KASH5: variants seen among roughly 807,000 people sequenced by gnomAD.
The protein encoded by KASH5 is KASH domain containing 5, also known as protein KASH5.
In KASH5, 72 loss-of-function variants were observed where a neutral mutation model predicts 84.2. The observed-to-expected ratio is 0.85, with a 90% CI of 0.71 to 1.04. The LOEUF (loss-of-function observed/expected upper bound fraction) is 1.04. Among genes scored for constraint, KASH5 ranks in the 50% least tolerant of loss-of-function variants. KASH5 has a pLI of 0.00. For synonymous variants in KASH5, 260 were observed against 279.1 expected (o/e 0.93, Z 0.68); for missense variants, 650 against 701.0 (o/e 0.93, Z 0.82).
rs970073420 is a variant in KASH5, at chr19:49,397,791, G to A, written c.467+74G>A. On this transcript the variant is annotated intron_variant, in intron 6 of 19. Coordinates refer to ENST00000447857, the MANE Select transcript of KASH5 (RefSeq NM_144688.5). ...CCTCCAGCCTGCCGAGGCCCGGGTAGGGCTTGGGATCCTTCAGGGAAATGA... is the reference window on the plus strand; with the variant it reads ...CCTCCAGCCTGCCGAGGCCCGGGTAAGGCTTGGGATCCTTCAGGGAAATGA... The A allele has an allele frequency of 3.9e-6, 6 of 1,549,558 alleles. No individual in the cohort carries two copies. In the African/African-American group the frequency reaches 8.2e-5, roughly 21 times the overall value.
chr19:49,415,329 G>C, intron 17 of KASH5: 1 of 392,490 alleles, frequency 2.5e-6, no homozygotes, highest in Non-Finnish European at 4.8e-6. Flanking sequence ...GCCCACACTC[G>C]GGAGAGGTTG....
At chr19:49,396,242 A>AT (rs1568611428) in intron 5 of KASH5, among the ~76,000 whole-genome samples, 2 of 122,904 alleles carry the variant, frequency 1.6e-5, no homozygotes, top group Non-Finnish European at 1.7e-5. Flanking sequence ...ACCCTGCTGG[A>AT]CTTTTTTTTT....
rs1299301430 is a variant in KASH5 at position 49,395,675 on chromosome 19, G to A, written c.336-94G>A. The A allele has an allele frequency of 7.7e-7, 1 of 1,301,334 alleles. No homozygotes were observed. The highest frequency in any genetic ancestry group is 2.5e-5 in the East Asian group (1 of 39,532). The allele number at this position is 1,301,334 out of a possible 1,614,324, so 80.6% of individuals were successfully genotyped here. On this transcript the variant is annotated intron_variant, in intron 4 of 19. Transcript: ENST00000447857. The surrounding 1 kb of genome is among the most constrained non-coding windows in gnomAD (Gnocchi z 4.4). ...GTGGTGCCAGCTCTCACCTGACCCGGTCCCCTCCTCCCACCTGCAATCCCC... is the reference window on the plus strand; with the variant it reads ...GTGGTGCCAGCTCTCACCTGACCCGATCCCCTCCTCCCACCTGCAATCCCC...
At chr19:49,413,782 C>T (rs2946847) in intron 16 of KASH5, among the ~76,000 whole-genome samples, 20 of 152,080 alleles carry the variant, frequency 1.3e-4, no homozygotes, top group African/African-American at 3.9e-4. Context: ...GTGAATACAA[C>T]GGCTCCTAAA....
At chr19:49,413,754 CT>C (rs1394054425) in intron 16 of KASH5, among the ~76,000 whole-genome samples, 2 of 151,998 alleles carry the variant, frequency 1.3e-5, no homozygotes, top group Non-Finnish European at 2.9e-5. Context: ...GGTTGGAAAG[CT>C]GGGAGTGAGG....
chr19:49,415,006 C>T lies in KASH5; in HGVS notation c.1374+10C>T, dbSNP rs1324874849. The stretch of plus-strand genomic sequence containing the variant: ...AGAGAGCCAGGTCACGGTAGGCAGT[C>T]CCCAGCACCCCTCCCCAGTCCCCAT... On this transcript the variant is annotated intron_variant, in intron 17 of 19. Transcript: ENST00000447857. The T allele has an allele frequency of 2.5e-6, 4 of 1,610,018 alleles. No homozygotes were observed. Among genetic ancestry groups the T allele is most frequent in the Non-Finnish European group, 3.4e-6 (4 of 1,178,198 alleles).
chr19:49,415,096 C>G lies in KASH5; in HGVS notation c.1374+100C>G. On this transcript the variant is annotated intron_variant, in intron 17 of 19. Coordinates refer to ENST00000447857, the MANE Select transcript of KASH5 (RefSeq NM_144688.5). ...CCCAAGCCCCAGCCTCACACTCCAA[C>G]TCCTCAGGAGCAGAGAGAAAAATCA... is the stretch of plus-strand genomic sequence containing the variant. 2.7e-6 allele frequency: 3 copies of G among 1,129,898 alleles called. No homozygotes were observed. In the East Asian group the frequency reaches 7.6e-5, roughly 29 times the overall value. 70.0% of individuals were successfully genotyped at this position (1,129,898 alleles called of 1,614,324 possible). A position where few individuals can be genotyped will look rare whatever the true frequency, so the allele number is the denominator to read the frequency against.
Position 49,417,397 on chromosome 19 carries a change from C to G in KASH5, c.1576C>G (p.Pro526Ala). ...RVTRHPLIPA[P>A]VLGLLLLLLL... ...CACTCGACATCCACTGATCCCAGCT[C>G]CTGTCCTGGGCCTGCTGCTGCTGCT... Residue 526 changes from proline (P) to alanine (A), a missense_variant, in exon 20 of 20, where the codon CCT (proline) becomes GCT (alanine). Pro to Ala is a conservative substitution (Grantham distance 27). Transcript: ENST00000447857. This position sits in a 1 kb window ranked among gnomAD's most constrained non-coding sequence, Gnocchi z 5.2. 1 of 1,554,806 alleles carries G rather than the reference C, an allele frequency of 6.4e-7. No individual in the cohort carries two copies. Among genetic ancestry groups the G allele is most frequent in the Non-Finnish European group, 8.7e-7 (1 of 1,148,814 alleles).
intron 15 of KASH5, among the ~76,000 whole-genome samples, chr19:49,410,593 C>T (rs1179775916): frequency 1.3e-5 from 2 of 151,324 alleles, no homozygotes; most frequent in African/African-American, 4.9e-5. Flanking sequence ...AAGCAGTTCT[C>T]CCTGCCTCAG....
chr19:49,394,049 C>T (rs759551585), intron 2 of KASH5, among the ~76,000 whole-genome samples: 1 of 152,162 alleles, frequency 6.6e-6, no homozygotes, highest in Non-Finnish European at 1.5e-5. Flanking sequence ...CGGGATCGAT[C>T]TGGGCTGCCC....
intron 2 of KASH5, chr19:49,393,263 T>G (rs1273695799): frequency 6.6e-6 from 1 of 152,232 alleles, no homozygotes; most frequent in Non-Finnish European, 1.5e-5. Context: ...GCTCAATAAG[T>G]GTTCAATTCT....
In KASH5 at chr19:49,398,120, G is replaced by T; in HGVS notation, c.606G>T (p.Leu202Phe). The change falls in exon 7 of 20, where the codon TTG (leucine) becomes TTT (phenylalanine). Residue 202 changes from leucine to phenylalanine, a missense_variant. Leu to Phe is a conservative substitution (Grantham distance 22). Coordinates refer to ENST00000447857, the MANE Select transcript of KASH5 (RefSeq NM_144688.5). Reference sequence around the variant, plus strand: ...CAGCACGCCTTGGGGAGGAGATCTTGGCTCTGCGTAAGCAGCTTCACAGGT... The same window carrying T: ...CAGCACGCCTTGGGGAGGAGATCTTTGCTCTGCGTAAGCAGCTTCACAGGT... ...EGSARLGEEI[L>F]ALRKQLHSTQ... The T allele has an allele frequency of 6.3e-7, 1 of 1,595,712 alleles. No homozygotes were observed. The highest frequency in any genetic ancestry group is 1.1e-5 in the South Asian group (1 of 89,716).
intron 7 of KASH5, 81 bp from the exon 8 acceptor site, chr19:49,398,944 T>G: frequency 9.5e-7 from 1 of 1,057,696 alleles, no homozygotes. Context: ...CTGTTGCTAG[T>G]GTCTCTCAGA....
intron 10 of KASH5, 110 bp from the exon 11 acceptor site, chr19:49,407,130 C>T: frequency 7.2e-7 from 1 of 1,392,112 alleles, no homozygotes; most frequent in Non-Finnish European, 1.0e-6. Context: ...TGGAACATCT[C>T]AGGAGGCTGA....
intron 9 of KASH5, 85 bp from the exon 10 acceptor site, chr19:49,406,801 C>A: frequency 8.3e-7 from 1 of 1,211,332 alleles, no homozygotes; most frequent in Non-Finnish European, 1.2e-6. Flanking sequence ...TGATGTATAT[C>A]AATCAAGTGT....
At chr19:49,406,986 G>C (rs752488483) in intron 10 of KASH5, 23 bp downstream of exon 10, 2 of 1,566,454 alleles carry the variant, frequency 1.3e-6, no homozygotes, top group Non-Finnish European at 1.7e-6. Flanking sequence ...CCTAGTGCCT[G>C]ACAACTTTCC....
intron 9 of KASH5, among the ~76,000 whole-genome samples, chr19:49,402,098 C>T (rs966664464): frequency 1.5e-4 from 23 of 151,352 alleles, no homozygotes; most frequent in Middle Eastern, 3.2e-3. Context: ...AAAAATCAGC[C>T]GGGTGTGGTG....
chr19:49,399,781 C>A lies in KASH5; in HGVS notation c.798+274C>A. On this transcript the variant is annotated intron_variant, in intron 9 of 19. Transcript: ENST00000447857. The surrounding 1 kb of genome is among the most constrained non-coding windows in gnomAD (Gnocchi z 4.4). ...CCTTCTCTGTGCCTCAGTTGCCTCACCTATAAAGATGAACAAAACAATGGC... is the reference window on the plus strand; with the variant it reads ...CCTTCTCTGTGCCTCAGTTGCCTCAACTATAAAGATGAACAAAACAATGGC... 2.5e-6 allele frequency: 2 copies of A among 786,816 alleles called. No individual in the cohort carries two copies. The highest frequency in any genetic ancestry group is 3.7e-6 in the Non-Finnish European group (2 of 536,862). 48.7% of individuals were successfully genotyped at this position (786,816 alleles called of 1,614,324 possible).
chr19:49,394,348 G>A (rs1056584229), intron 2 of KASH5, 128 bp from the exon 3 acceptor site: 15 of 655,332 alleles, frequency 2.3e-5, no homozygotes, highest in Middle Eastern at 2.5e-4. Context: ...TTCCCCACCC[G>A]CCCGAACTCT....
Sources: allele counts gnomAD v4.1 joint callset (sites outside exome capture counted in the v4.1 genomes callset), GRCh38; gene constraint gnomAD v4.1.1; non-coding constraint Gnocchi (gnomAD v3.1); transcripts MANE v1.5; gene names NCBI Gene and HGNC (gene_info 2026-07-23, HGNC 2026-07-21).